Variants in ESR1 observed in about 807,000 individuals in gnomAD.
The protein encoded by ESR1 is estrogen receptor 1.
ESR1 carries 12 observed loss-of-function variants against 52.7 expected under a neutral mutation model. That is an observed-to-expected ratio of 0.23 (90% CI 0.15 to 0.37). The LOEUF (loss-of-function observed/expected upper bound fraction) is 0.37. Ranked by LOEUF, ESR1 falls within the 10% of genes least tolerant of loss-of-function variation. The probability of loss-of-function intolerance (pLI) is 1.00; values close to 1 mark genes in which losing one functional copy is unlikely to be tolerated. For missense variants in ESR1, 584 were observed against 779.7 expected (o/e 0.75, Z 2.99); for synonymous variants, 305 against 316.8 (o/e 0.96, Z 0.39).
intron 5 of ESR1, among the ~76,000 whole-genome samples, chr6:152,044,232 CA>C (rs1420971254): frequency 6.6e-6 from 1 of 152,178 alleles, no homozygotes; most frequent in Admixed American, 6.5e-5. Flanking sequence ...CAGTTCACAG[CA>C]AGGACTATCA....
intron 4 of ESR1, among the ~76,000 whole-genome samples, chr6:151,977,866 T>A (rs1186181841): frequency 6.8e-6 from 1 of 147,934 alleles, no homozygotes; most frequent in Non-Finnish European, 1.5e-5. Context: ...TACTGGGGAA[T>A]GGAATTTCAA....
At chr6:151,839,047 A>G (rs2128227581) in intron 1 of ESR1, among the ~76,000 whole-genome samples, 1 of 152,332 alleles carries the variant, frequency 6.6e-6, no homozygotes, top group Admixed American at 6.5e-5. Context: ...AATGTTGTTG[A>G]GTCCCTATTC....
intron 2 of ESR1, among the ~76,000 whole-genome samples, chr6:151,876,667 C>G (rs371912642): frequency 6.6e-6 from 1 of 152,086 alleles, no homozygotes; most frequent in East Asian, 1.9e-4. Context: ...GCTGCAGGGG[C>G]TGGGGTGGGC....
chr6:151,711,250 C>T (rs1290541955), intron 2 of ESR1, among the ~76,000 whole-genome samples: 6 of 149,674 alleles, frequency 4.0e-5, no homozygotes, highest in Non-Finnish European at 5.9e-5. Flanking sequence ...GAGATGGAGT[C>T]TCACTCTGTT....
intron 3 of ESR1, among the ~76,000 whole-genome samples, chr6:151,921,648 G>A (rs1429396964): frequency 6.6e-6 from 1 of 152,154 alleles, no homozygotes; most frequent in East Asian, 1.9e-4. Flanking sequence ...GTGTGAGATG[G>A]TATCTCATTG....
chr6:151,910,466 T>C (rs939217689), intron 3 of ESR1, among the ~76,000 whole-genome samples: 1 of 152,210 alleles, frequency 6.6e-6, no homozygotes, highest in Admixed American at 6.5e-5. Flanking sequence ...TTTAAACTTA[T>C]AAAATGCAAA....
At chr6:151,961,424 G>T (rs1310722147) in intron 4 of ESR1, among the ~76,000 whole-genome samples, 1 of 152,124 alleles carries the variant, frequency 6.6e-6, no homozygotes, top group Non-Finnish European at 1.5e-5. Flanking sequence ...ATAGAGGGAG[G>T]GGGTGGAGAT....
intron 1 of ESR1, among the ~76,000 whole-genome samples, chr6:151,838,154 T>A (rs1345341496): frequency 3.3e-5 from 5 of 152,284 alleles, no homozygotes; most frequent in Non-Finnish European, 7.3e-5. Flanking sequence ...CATGAGCCAA[T>A]GTGCCCAGCA....
intron 5 of ESR1, among the ~76,000 whole-genome samples, chr6:152,035,727 A>G (rs11755030): frequency 0.024 from 3,581 of 152,330 alleles, 58 homozygotes; most frequent in Non-Finnish European, 0.036. Context: ...CATTGACTAA[A>G]TAAATAGAAA....
Position 151,700,987 on chromosome 6 carries a change from A to G in ESR1, c.-201-888A>G, listed in dbSNP as rs755326797. The stretch of plus-strand genomic sequence containing the variant: ...TTGAAATAACTTAAAGTAAAAATTC[A>G]GAAGAATTTTACATGTAATTAAAAA... On this transcript the variant is annotated intron_variant, in intron 1 of 2. Transcript: ENST00000404742. Among the ~76,000 whole-genome samples the G allele has an allele frequency of 9.7e-4, 148 of 152,296 alleles. 1 individual carries two copies. Among genetic ancestry groups the G allele is most frequent in the Non-Finnish European group, 1.9e-3 (126 of 68,028 alleles).
At chr6:151,873,971 T>TA (rs1406156022) in intron 2 of ESR1, among the ~76,000 whole-genome samples, 1 of 152,206 alleles carries the variant, frequency 6.6e-6, no homozygotes, top group East Asian at 1.9e-4. Flanking sequence ...CAATCGGGTA[T>TA]AAAAAATAGG....
upstream of ESR1, among the ~76,000 whole-genome samples, chr6:151,806,025 C>T (rs143782120): frequency 9.7e-4 from 148 of 152,154 alleles, 2 homozygotes; most frequent in East Asian, 0.019. Context: ...TTTTAAGAGC[C>T]CTATGAAGTG....
At chr6:152,009,066 C>A (rs9340955) in intron 4 of ESR1, among the ~76,000 whole-genome samples, 3,542 of 152,202 alleles carry the variant, frequency 0.023, 65 homozygotes, top group South Asian at 0.071. Context: ...GTACATCCTA[C>A]AGGTAAATCA....
At chr6:151,789,040 A>G (rs1787280505) in intron 2 of ESR1, among the ~76,000 whole-genome samples, 1 of 152,174 alleles carries the variant, frequency 6.6e-6, no homozygotes, top group African/African-American at 2.4e-5. Flanking sequence ...TAATCTGTAC[A>G]ACAAACCCCC....
chr6:151,818,536 G>A (rs1045116123), intron 1 of ESR1, among the ~76,000 whole-genome samples: 12 of 152,184 alleles, frequency 7.9e-5, no homozygotes, highest in Non-Finnish European at 1.0e-4. Flanking sequence ...CAAGTAACTT[G>A]TAGAAACATT....
intron 5 of ESR1, among the ~76,000 whole-genome samples, chr6:152,030,933 ACTAT>A (rs1327490984): frequency 1.3e-5 from 2 of 152,192 alleles, no homozygotes; most frequent in African/African-American, 4.8e-5. Flanking sequence ...ATTATAACAA[ACTAT>A]CTCTCAGACC....
intron 2 of ESR1, among the ~76,000 whole-genome samples, chr6:151,786,034 G>T (rs1583279252): frequency 6.6e-6 from 1 of 152,290 alleles, no homozygotes; most frequent in Non-Finnish European, 1.5e-5. Context: ...CCATTCAGGT[G>T]AGTGGGAAAG....
intron 4 of ESR1, among the ~76,000 whole-genome samples, chr6:151,976,060 C>T (rs991192613): frequency 2.6e-4 from 40 of 152,044 alleles, no homozygotes; most frequent in African/African-American, 9.4e-4. Context: ...CATTGTTTTC[C>T]AAGGATAGAG....
intron 2 of ESR1, among the ~76,000 whole-genome samples, chr6:151,769,431 C>T (rs114195668): frequency 0.016 from 2,360 of 152,216 alleles, 66 homozygotes; most frequent in African/African-American, 0.054. Context: ...TGACCACATG[C>T]GCGCACACCC....
Sources: gnomAD v4.1 joint callset for allele counts (sites outside exome capture counted in the v4.1 genomes callset) on GRCh38, gnomAD v4.1.1 for gene constraint, MANE v1.5 for transcripts, NCBI Gene and HGNC (gene_info 2026-07-23, HGNC 2026-07-21) for gene names.